The following CSF1 variants were observed in gnomAD, a reference collection of about 807,000 sequenced individuals.
CSF1 encodes colony stimulating factor 1, also known as macrophage colony-stimulating factor 1.
In CSF1, 9 loss-of-function variants were observed where a neutral mutation model predicts 48.9. The observed-to-expected ratio is 0.18, with a 90% confidence interval of 0.11 to 0.32. The LOEUF is 0.32. CSF1 is among the 10% of genes least tolerant of loss of function. CSF1 has a pLI of 1.00. For synonymous variants in CSF1, 305 were observed against 284.1 expected (o/e 1.07, Z -0.74); for missense variants, 672 against 697.9 (o/e 0.96, Z 0.42).
chr1:109,917,354 C>A lies in CSF1; in HGVS notation c.287C>A (p.Thr96Asn). 15 of 1,614,170 alleles carry A rather than the reference C, an allele frequency of 9.3e-6. No homozygotes were observed. Among genetic ancestry groups the A allele is most frequent in the Non-Finnish European group, 1.3e-5 (15 of 1,180,028 alleles). ...CTGGTACAAGACATAATGGAGGACA[C>A]CATGCGCTTCAGAGATAACACCCCC... ...FLLVQDIMED[T>N]MRFRDNTPNA... The change falls in exon 4 of 9, where the codon ACC becomes AAC. Residue 96 changes from threonine (T) to asparagine (N), a missense_variant. Thr to Asn is a moderately conservative substitution (Grantham distance 65, BLOSUM62 0). Around this residue, in one of 3 missense-constraint regions of CSF1, gnomAD observed 591 missense variants for 593.6 expected, o/e 1.00. Coordinates refer to ENST00000329608, the MANE Select transcript of CSF1 (RefSeq NM_000757.6).
chr1:109,923,726 A>C lies in CSF1; in HGVS notation c.1105A>C (p.Arg369=), dbSNP rs769274233. ...AGATGTAACTGGTACCGCCTTGCCC[A>C]GGGTGGGCCCCGTGAGGCCCACTGG... is the stretch of plus-strand genomic sequence containing the variant. ...PADVTGTALP[R]VGPVRPTGQD... The change falls in exon 6 of 9, where the codon AGG becomes CGG. Residue 369 remains arginine (R), a synonymous_variant. Transcript: ENST00000329608. 1 of 1,612,038 alleles carries C rather than the reference A, an allele frequency of 6.2e-7. No homozygotes were observed. The highest frequency in any genetic ancestry group is 1.3e-5 in the African/African-American group (1 of 74,878).
At position 109,924,838 on chromosome 1, in the gene CSF1, T is replaced by C. The variant is rs958613343; in HGVS notation, c.1622+10T>C. 9.3e-6 allele frequency: 15 copies of C among 1,605,268 alleles called. No homozygotes were observed. Among genetic ancestry groups the C allele is most frequent in the Non-Finnish European group, 1.3e-5 (15 of 1,175,660 alleles). ...AGCAACCAGAGGGCAGGTGAGAGCT[T>C]GAGGTGGGGCTCTGGGAGGCACTGG... On this transcript the variant is annotated intron_variant, in intron 7 of 8. Coordinates refer to ENST00000329608, the MANE Select transcript of CSF1 (RefSeq NM_000757.6).
In CSF1 at chr1:109,921,852, C is replaced by A; in HGVS notation, c.402C>A (p.Cys134Ter). Reference sequence around the variant, plus strand: ...GGGCCCTGATCTCCTTCCAGGCCTGCGTCCGAACTTTCTATGAGACACCTC... The same window carrying A: ...GGGCCCTGATCTCCTTCCAGGCCTGAGTCCGAACTTTCTATGAGACACCTC... ...TKDYEEHDKACVRTFYETPLQ... is the reference protein window; with the variant it reads ...TKDYEEHDKA The change falls in exon 5 of 9, where the codon TGC (cysteine) becomes TGA (stop). Residue 134 changes from cysteine (C) to a stop codon, truncating the protein, a stop_gained. Coordinates refer to ENST00000329608, the MANE Select transcript of CSF1 (RefSeq NM_000757.6). LOFTEE classifies it high-confidence loss of function. The A allele has an allele frequency of 6.3e-7, 1 of 1,585,382 alleles. No individual in the cohort carries two copies. The highest frequency in any genetic ancestry group is 8.6e-7 in the Non-Finnish European group (1 of 1,161,626).
chr1:109,923,209 C>T lies in CSF1; in HGVS notation c.588C>T (p.Ala196=). 2 of 1,538,528 alleles carry T rather than the reference C, an allele frequency of 1.3e-6. No individual in the cohort carries two copies. The highest frequency in any genetic ancestry group is 1.7e-6 in the Non-Finnish European group (2 of 1,144,192). The change falls in exon 6 of 9, where the codon GCC becomes GCT. Residue 196 remains alanine, a synonymous_variant. Transcript: ENST00000329608. ...KPDCNCLYPK[A]IPSSDPASVS... ...ATTGCAACTGCCTGTACCCCAAAGCCATCCCTAGCAGTGACCCGGCCTCTG... is the reference window on the plus strand; with the variant it reads ...ATTGCAACTGCCTGTACCCCAAAGCTATCCCTAGCAGTGACCCGGCCTCTG...
In CSF1 at chr1:109,915,778, G is replaced by A. The variant is rs193113686; in HGVS notation, c.225+82G>A. ...GGGGTGTGTGGGGGAGCATGAAAGC[G>A]GCAGAATGCCTACTGCTGGAAAGGG... On this transcript the variant is annotated intron_variant, in intron 3 of 8. Transcript: ENST00000329608. 2.2e-4 allele frequency: 255 copies of A among 1,159,644 alleles called. 5 individuals carry two copies. The Admixed American group carries it at 3.3e-3, about 15-fold the overall frequency. 71.8% of individuals were successfully genotyped at this position (1,159,644 alleles called of 1,614,324 possible). A position where few individuals can be genotyped will look rare whatever the true frequency, so the allele number is the denominator to read the frequency against.
Position 109,924,172 on chromosome 1 carries a change from C to T in CSF1, c.1551C>T (p.Phe517=). 1 of 1,611,536 alleles carries T rather than the reference C, an allele frequency of 6.2e-7. No individual in the cohort carries two copies. The highest frequency in any genetic ancestry group is 8.5e-7 in the Non-Finnish European group (1 of 1,178,690). ...TGCTGGCCGTCGGAGGCCTCTTGTT[C>T]TACAGGTGGAGGCGGCGGGTGAGTA... ...LVLLAVGGLL[F]YRWRRRSHQE... The change falls in exon 6 of 9, where the codon TTC becomes TTT. Residue 517 remains phenylalanine, a synonymous_variant. Coordinates refer to ENST00000329608, the MANE Select transcript of CSF1 (RefSeq NM_000757.6).
At chr1:109,922,382 CTG>C (rs1348271245) in intron 5 of CSF1, 1 of 173,294 alleles carries the variant, frequency 5.8e-6, no homozygotes, top group African/African-American at 2.4e-5. Flanking sequence ...TGACACCCAT[CTG>C]GGAGTCAGGG....
chr1:109,916,653 C>T (rs889831536), intron 3 of CSF1, among the ~76,000 whole-genome samples: 4 of 152,186 alleles, frequency 2.6e-5, no homozygotes, highest in Non-Finnish European at 5.9e-5. Flanking sequence ...TTCCACACAC[C>T]TGACCCATAT....
chr1:109,915,497 T>C, intron 2 of CSF1, 137 bp from the exon 3 acceptor site: 1 of 703,006 alleles, frequency 1.4e-6, no homozygotes. Context: ...CTTGACTCTG[T>C]CTTTCCACGT....
chr1:109,923,615 A>G lies in CSF1; in HGVS notation c.994A>G (p.Ser332Gly). 6.2e-7 allele frequency: 1 copy of G among 1,614,134 alleles called. No individual in the cohort carries two copies. Among genetic ancestry groups the G allele is most frequent in the Non-Finnish European group, 8.5e-7 (1 of 1,180,002 alleles). ...TTCCCCCTCCAGGCCAGGAGGGGGC[A>G]GCATGCAGACAGAGCCCGCCAGACC... ...ELSPSRPGGG[S>G]MQTEPARPSN... The change falls in exon 6 of 9, where the codon AGC becomes GGC. Residue 332 changes from serine to glycine, a missense_variant. Physicochemically the swap from Ser to Gly is moderately conservative, Grantham distance 56. Around this residue, in one of 3 missense-constraint regions of CSF1, gnomAD observed 591 missense variants for 593.6 expected, o/e 1.00. Transcript: ENST00000329608.
chr1:109,930,036 G>C lies in CSF1; in HGVS notation c.*1198G>C, dbSNP rs556186083. ...AAATATAGGTATGCACCTGAGGTTG[G>C]GGGAGGGTCTGCACTCCCAAACCCC... On this transcript the variant is annotated 3_prime_UTR_variant, in exon 9 of 9. Coordinates refer to ENST00000329608, the MANE Select transcript of CSF1 (RefSeq NM_000757.6). 6.6e-6 allele frequency: 1 copy of C among 152,428 alleles called. No homozygotes were observed. Among genetic ancestry groups the C allele is most frequent in the South Asian group, 2.1e-4 (1 of 4,826 alleles). 9.4% of individuals were successfully genotyped at this position (152,428 alleles called of 1,614,324 possible).
chr1:109,924,122 C>T lies in CSF1; in HGVS notation c.1501C>T (p.Leu501=). 6.2e-7 allele frequency: 1 copy of T among 1,614,174 alleles called. No homozygotes were observed. The highest frequency in any genetic ancestry group is 8.5e-7 in the Non-Finnish European group (1 of 1,180,026). ...GCTCCAGGAGTCTGTCTTCCACCTG[C>T]TGGTGCCCAGTGTCATCCTGGTCTT... ...PQLQESVFHL[L]VPSVILVLLA... is the part of the protein sequence containing the mutation. Residue 501 remains leucine, a synonymous_variant, in exon 6 of 9, where the codon CTG becomes TTG. Coordinates refer to ENST00000329608, the MANE Select transcript of CSF1 (RefSeq NM_000757.6).
At position 109,923,774 on chromosome 1, in the gene CSF1, C is replaced by G. The variant is rs1232146396; in HGVS notation, c.1153C>G (p.Gln385Glu). 8 of 1,608,346 alleles carry G rather than the reference C, an allele frequency of 5.0e-6. No homozygotes were observed. Among genetic ancestry groups the G allele is most frequent in the South Asian group, 1.1e-5 (1 of 90,194 alleles). ...TGGCCAGGACTGGAATCACACCCCCCAGAAGACAGACCATCCATCTGCCCT... is the reference window on the plus strand; with the variant it reads ...TGGCCAGGACTGGAATCACACCCCCGAGAAGACAGACCATCCATCTGCCCT... Reference protein sequence around the residue: ...PTGQDWNHTPQKTDHPSALLR... With the variant: ...PTGQDWNHTPEKTDHPSALLR... Residue 385 changes from glutamine to glutamate, a missense_variant, in exon 6 of 9, where the codon CAG becomes GAG. Transcript: ENST00000329608.
At chr1:109,926,253 A>T (rs1466391827) in intron 8 of CSF1, 1 of 152,196 alleles carries the variant, frequency 6.6e-6, no homozygotes, top group Middle Eastern at 3.2e-3. Flanking sequence ...TTTCTTAACA[A>T]CTGCATCATA....
chr1:109,927,034 A>ACTGGCTGACCAG (rs1553181817), intron 8 of CSF1, among the ~76,000 whole-genome samples: 2 of 152,190 alleles, frequency 1.3e-5, no homozygotes, highest in Non-Finnish European at 2.9e-5. Flanking sequence ...ACTCTGACTG[A>ACTGGCTGACCAG]CTGGCTGACC....
intron 4 of CSF1, among the ~76,000 whole-genome samples, chr1:109,919,304 T>C (rs902566495): frequency 5.3e-5 from 8 of 152,156 alleles, no homozygotes; most frequent in African/African-American, 1.9e-4. Context: ...AGCGGCGCAA[T>C]CACGACTCAC....
intron 1 of CSF1, among the ~76,000 whole-genome samples, chr1:109,913,989 A>T (rs1325658852): frequency 6.6e-6 from 1 of 152,200 alleles, no homozygotes; most frequent in Non-Finnish European, 1.5e-5. Flanking sequence ...TGTCAGTATT[A>T]GTTCAATGTA....
chr1:109,926,427 G>A (rs1198808818), intron 8 of CSF1: 1 of 152,208 alleles, frequency 6.6e-6, no homozygotes, highest in Non-Finnish European at 1.5e-5. Flanking sequence ...GTTGGTTTCT[G>A]CCCATCACCT....
rs3093037 is a variant in CSF1 at position 109,929,284 on chromosome 1, C to T, written c.*446C>T. On this transcript the variant is annotated 3_prime_UTR_variant, in exon 9 of 9. Transcript: ENST00000329608. ...AGGGCCTGCCTGGTGCCAAGGTATC[C>T]CAGCCTGGACAGGCATGGACCTGTC... 0.14 allele frequency: 21,232 copies of T among 152,798 alleles called. 1,754 individuals carry two copies. Among genetic ancestry groups the T allele is most frequent in the Non-Finnish European group, 0.19 (13,066 of 68,092 alleles). 9.5% of individuals were successfully genotyped at this position (152,798 alleles called of 1,614,324 possible).
Sources: gnomAD v4.1 joint callset for allele counts (sites outside exome capture counted in the v4.1 genomes callset) on GRCh38, gnomAD v4.1.1 for gene constraint, gnomAD v4.1.1 regional missense constraint, MANE v1.5 for transcripts, NCBI Gene and HGNC (gene_info 2026-07-23, HGNC 2026-07-21) for gene names.